Variants in GRIN3A observed in about 807,000 individuals in gnomAD.
GRIN3A encodes glutamate ionotropic receptor NMDA type subunit 3A, also known as glutamate receptor ionotropic, NMDA 3A.
A neutral mutation model predicts 92.4 loss-of-function variants in GRIN3A; 47 were observed. The observed-to-expected ratio is 0.51, with a 90% CI of 0.40 to 0.65. The LOEUF (loss-of-function observed/expected upper bound fraction) is 0.65, where lower values mean the gene tolerates loss of function less well. GRIN3A is among the 30% of genes least tolerant of loss of function. The pLI, the probability that GRIN3A is intolerant of heterozygous loss-of-function variation, is 0.00. For synonymous variants in GRIN3A, 527 were observed against 540.6 expected, an observed-to-expected ratio of 0.97 and a Z score of 0.35; for missense variants, 1,324 against 1,393.1, an observed-to-expected ratio of 0.95 and a Z score of 0.79.
At chr9:101,613,310 C>T (rs771467405) in intron 6 of GRIN3A, 66 bp downstream of exon 6, 12 of 1,511,998 alleles carry the variant, frequency 7.9e-6, no homozygotes, top group Non-Finnish European at 1.1e-5. Flanking sequence ...CAAGTAATAG[C>T]ATTTCCTTAT....
chr9:101,668,977 A>AG (rs1829277821), intron 3 of GRIN3A, among the ~76,000 whole-genome samples: 1 of 152,168 alleles, frequency 6.6e-6, no homozygotes, highest in South Asian at 2.1e-4. Flanking sequence ...TGGTGTGACA[A>AG]GGGGCATTTG....
chr9:101,652,947 C>T (rs1258890231), intron 3 of GRIN3A, among the ~76,000 whole-genome samples: 1 of 151,492 alleles, frequency 6.6e-6, no homozygotes, highest in African/African-American at 2.4e-5. Context: ...TTTAGGGGGG[C>T]TGGGAAAGAG....
At chr9:101,680,894 G>A (rs1345653136) in intron 2 of GRIN3A, among the ~76,000 whole-genome samples, 1 of 152,152 alleles carries the variant, frequency 6.6e-6, no homozygotes, top group African/African-American at 2.4e-5. Context: ...AAGAAAAGGA[G>A]GATTCTACAT....
chr9:101,698,180 A>C (rs1438226592), intron 1 of GRIN3A, among the ~76,000 whole-genome samples: 1 of 152,200 alleles, frequency 6.6e-6, no homozygotes, highest in East Asian at 1.9e-4. Flanking sequence ...GGTTTACATA[A>C]GATTTACTGT....
chr9:101,707,913 A>C (rs934012338), intron 1 of GRIN3A, among the ~76,000 whole-genome samples: 3 of 152,092 alleles, frequency 2.0e-5, no homozygotes, highest in Non-Finnish European at 4.4e-5. Context: ...GAAGTTGCTC[A>C]CTTCTCCCTT....
chr9:101,610,105 G>A (rs1440892323), intron 6 of GRIN3A, among the ~76,000 whole-genome samples: 1 of 152,208 alleles, frequency 6.6e-6, no homozygotes, highest in Non-Finnish European at 1.5e-5. Flanking sequence ...CACAGGTTAG[G>A]CAACTGGTTT....
chr9:101,639,683 C>T (rs545366190), intron 3 of GRIN3A, among the ~76,000 whole-genome samples: 20 of 152,260 alleles, frequency 1.3e-4, no homozygotes, highest in African/African-American at 4.3e-4. Flanking sequence ...TTTAAAATGC[C>T]AGTTTTTACT....
intron 1 of GRIN3A, among the ~76,000 whole-genome samples, chr9:101,723,369 C>G (rs1383898574): frequency 6.6e-6 from 1 of 151,780 alleles, no homozygotes; most frequent in Non-Finnish European, 1.5e-5. Flanking sequence ...GTTCGTTCCT[C>G]CCGGTGGGCT....
At chr9:101,574,694 C>T (rs886168176) in intron 8 of GRIN3A, among the ~76,000 whole-genome samples, 3 of 152,166 alleles carry the variant, frequency 2.0e-5, no homozygotes, top group Non-Finnish European at 4.4e-5. Context: ...TGCTTTCCTC[C>T]CCGCTTCAGT....
intron 6 of GRIN3A, among the ~76,000 whole-genome samples, chr9:101,590,830 A>G (rs530303053): frequency 6.6e-6 from 1 of 152,336 alleles, no homozygotes; most frequent in African/African-American, 2.4e-5. Context: ...CTTTTTTTAA[A>G]TAAAAAATTG....
chr9:101,588,355 A>T (rs1239829712), intron 6 of GRIN3A, among the ~76,000 whole-genome samples: 2 of 152,154 alleles, frequency 1.3e-5, no homozygotes, highest in Non-Finnish European at 2.9e-5. Flanking sequence ...ATTTGGATAA[A>T]CAAGGATTTT....
At chr9:101,626,583 C>G (rs1023385317) in intron 4 of GRIN3A, among the ~76,000 whole-genome samples, 2 of 152,156 alleles carry the variant, frequency 1.3e-5, no homozygotes, top group African/African-American at 4.8e-5. Context: ...GCCTAGATGC[C>G]AATTTCACCT....
chr9:101,660,322 C>A (rs1829156851), intron 3 of GRIN3A, among the ~76,000 whole-genome samples: 2 of 151,798 alleles, frequency 1.3e-5, no homozygotes, highest in South Asian at 2.1e-4. Flanking sequence ...TAATTATATA[C>A]AATGTCCTGG....
At chr9:101,710,424 G>A (rs796520719) in intron 1 of GRIN3A, among the ~76,000 whole-genome samples, 8 of 152,228 alleles carry the variant, frequency 5.3e-5, no homozygotes, top group African/African-American at 1.9e-4. Flanking sequence ...GACATCAGTG[G>A]CATCAATGTA....
chr9:101,625,991 G>A (rs529096298), intron 4 of GRIN3A, among the ~76,000 whole-genome samples: 1 of 152,300 alleles, frequency 6.6e-6, no homozygotes, highest in South Asian at 2.1e-4. Flanking sequence ...ACTGCAAAGT[G>A]CAGATAGCTA....
chr9:101,649,323 T>C (rs1253267929), intron 3 of GRIN3A, among the ~76,000 whole-genome samples: 3 of 152,000 alleles, frequency 2.0e-5, no homozygotes, highest in African/African-American at 4.8e-5. Context: ...ACATGGTGTC[T>C]TTGCTGATTA....
intron 6 of GRIN3A, among the ~76,000 whole-genome samples, chr9:101,582,207 T>C (rs1490119562): frequency 6.6e-6 from 1 of 152,104 alleles, no homozygotes; most frequent in African/African-American, 2.4e-5. Context: ...AGGCATAGGG[T>C]GCATAGGGAA....
chr9:101,670,870 G>A lies in GRIN3A; in HGVS notation c.1542C>T (p.His514=), dbSNP rs1332391886. 6.2e-7 allele frequency: 1 copy of A among 1,612,842 alleles called. No homozygotes were observed. Among genetic ancestry groups the A allele is most frequent in the Non-Finnish European group, 8.5e-7 (1 of 1,179,058 alleles). ...KTHFQHPSKL[H]LRVVTLIEHP... ...GCTCAATCAGGGTAACCACTCTCAAGTGTAGCTTACTTGGATGTTGGAAGT... is the reference window on the plus strand; with the variant it reads ...GCTCAATCAGGGTAACCACTCTCAAATGTAGCTTACTTGGATGTTGGAAGT... The change falls in exon 3 of 9, where the codon CAC becomes CAT. Residue 514 remains histidine (H), a synonymous_variant. Transcript: ENST00000361820.
intron 3 of GRIN3A, among the ~76,000 whole-genome samples, chr9:101,644,992 A>AT (rs1484409901): frequency 1.3e-5 from 2 of 151,912 alleles, no homozygotes; most frequent in Non-Finnish European, 2.9e-5. Context: ...AATGTTTATC[A>AT]TTTTTTGTGT....
Sources: gnomAD v4.1 joint callset for allele counts (sites outside exome capture counted in the v4.1 genomes callset) on GRCh38, gnomAD v4.1.1 for gene constraint, MANE v1.5 for transcripts, NCBI Gene and HGNC (gene_info 2026-07-23, HGNC 2026-07-21) for gene names.